KANSL1: variants seen among roughly 807,000 people sequenced by gnomAD.
KANSL1 encodes MLL1/MLL complex subunit KANSL1.
A neutral mutation model predicts 103.6 loss-of-function variants in KANSL1; 22 were observed. The observed-to-expected ratio is 0.21, with a 90% CI of 0.15 to 0.30. The LOEUF (loss-of-function observed/expected upper bound fraction) is 0.30, where lower values mean the gene tolerates loss of function less well. KANSL1 is among the 10% of genes least tolerant of loss of function. The pLI is 1.00. For missense variants in KANSL1, 1,337 were observed against 1,399.8 expected (o/e 0.96, Z 0.72); for synonymous variants, 600 against 527.6 (o/e 1.14, Z -1.88).
chr17:46,073,279 T>A (rs2078641975), intron 4 of KANSL1, among the ~76,000 whole-genome samples: 1 of 152,252 alleles, frequency 6.6e-6, no homozygotes, highest in East Asian at 1.9e-4. Context: ...GTTTTTCTCA[T>A]CACTTCTGTA....
intron 6 of KANSL1, among the ~76,000 whole-genome samples, chr17:46,056,604 A>C (rs1327221381): frequency 2.7e-5 from 3 of 112,952 alleles, no homozygotes; most frequent in Non-Finnish European, 7.2e-5. Context: ...ATTTACCATC[A>C]AACTTGATAG....
At position 46,032,243 on chromosome 17, in the gene KANSL1, G is replaced by A; in HGVS notation, c.2894C>T (p.Ser965Phe). The A allele has an allele frequency of 1.3e-6, 2 of 1,571,090 alleles. No homozygotes were observed. The highest frequency in any genetic ancestry group is 8.7e-7 in the Non-Finnish European group (1 of 1,155,348). ...TTPQLGSANP[S>F]TPQPASPDVS... ...ATCAGGGGAGGCAGGCTGGGGGGTG[G>A]AGGGGTTGGCACTGCCCAGCTGGGG... Residue 965 changes from serine (S) to phenylalanine (F), a missense_variant, in exon 14 of 15, where the codon TCC (serine) becomes TTC (phenylalanine). By Grantham distance (155) the Ser-to-Phe change is radical. Around this residue, in one of 2 missense-constraint regions of KANSL1, gnomAD observed 780 missense variants for 923.4 expected, o/e 0.84. Coordinates refer to ENST00000432791, the MANE Select transcript of KANSL1 (RefSeq NM_015443.4).
intron 2 of KANSL1, among the ~76,000 whole-genome samples, chr17:46,096,483 G>A (rs1159884640): frequency 6.7e-6 from 1 of 149,994 alleles, no homozygotes; most frequent in African/African-American, 2.4e-5. Flanking sequence ...ACCATGCCCG[G>A]CTAATTTTGT....
chr17:46,036,468 T>G (rs2077152844), intron 10 of KANSL1, among the ~76,000 whole-genome samples: 1 of 152,262 alleles, frequency 6.6e-6, no homozygotes, highest in South Asian at 2.1e-4. Flanking sequence ...GATTTTTCTT[T>G]TCATTATTCT....
chr17:46,139,149 G>A (rs985587353), intron 2 of KANSL1, among the ~76,000 whole-genome samples: 4 of 152,098 alleles, frequency 2.6e-5, no homozygotes, highest in Non-Finnish European at 5.9e-5. Context: ...CAATACCTAG[G>A]ACATCACAGG....
intron 2 of KANSL1, among the ~76,000 whole-genome samples, chr17:46,147,211 T>C (rs2044756749): frequency 1.3e-5 from 2 of 152,176 alleles, no homozygotes; most frequent in South Asian, 2.1e-4. Context: ...AACAGAAAAA[T>C]CAACCAATAT....
Position 46,171,160 on chromosome 17 carries a change from A to G in KANSL1, c.984T>C (p.Thr328=). ...ATTCCAAGTTTGGCAGTTTGCTCAA[A>G]GTCTTCTCCAAAAATCCACCCAGCT... is the stretch of plus-strand genomic sequence containing the variant. ...QHQLGGFLEK[T]LSKLPNLESL... Residue 328 remains threonine, a synonymous_variant, in exon 2 of 15, where the codon ACT becomes ACC. Transcript: ENST00000432791. The G allele has an allele frequency of 6.2e-7, 1 of 1,614,144 alleles. No individual in the cohort carries two copies. Among genetic ancestry groups the G allele is most frequent in the Admixed American group, 1.7e-5 (1 of 60,020 alleles).
Position 46,034,250 on chromosome 17 carries a change from T to G in KANSL1, c.2577A>C (p.Ser859=), listed in dbSNP as rs1275703248. 1 of 1,614,064 alleles carries G rather than the reference T, an allele frequency of 6.2e-7. No individual in the cohort carries two copies. Among genetic ancestry groups the G allele is most frequent in the East Asian group, 2.2e-5 (1 of 44,888 alleles). The change falls in exon 11 of 15, where the codon TCA becomes TCC. Residue 859 remains serine (S), a synonymous_variant. Transcript: ENST00000432791. ...GGATGACAATGTTGTTAATATCAAA[T>G]GAGCTCTCTCCCCTTCTCCTCCTTA... ...QPVRRRRGES[S]FDINNIVIPM...
chr17:46,188,743 GC>G (rs1267020544), intron 1 of KANSL1, among the ~76,000 whole-genome samples: 1 of 152,106 alleles, frequency 6.6e-6, no homozygotes, highest in Non-Finnish European at 1.5e-5. Context: ...AATAAGACAA[GC>G]AAGGGGCCAG....
intron 2 of KANSL1, among the ~76,000 whole-genome samples, chr17:46,105,239 TTCTG>T (rs1388379808): frequency 2.0e-5 from 3 of 152,398 alleles, no homozygotes; most frequent in Non-Finnish European, 4.4e-5. Context: ...TGAATTAATT[TTCTG>T]TCTACTTTTC....
chr17:46,101,344 AAAC>A (rs1217523993), intron 2 of KANSL1, among the ~76,000 whole-genome samples: 1 of 152,236 alleles, frequency 6.6e-6, no homozygotes, highest in Non-Finnish European at 1.5e-5. Context: ...ATGTGATCCT[AAAC>A]ATATAAATTG....
At chr17:46,201,905 G>A (rs1051165687) in intron 1 of KANSL1, among the ~76,000 whole-genome samples, 1 of 152,184 alleles carries the variant, frequency 6.6e-6, no homozygotes, top group Non-Finnish European at 1.5e-5. Context: ...TACACAGGAA[G>A]CCAAGGTGGG....
At chr17:46,217,338 C>T (rs666115) in intron 1 of KANSL1, among the ~76,000 whole-genome samples, 5 of 151,806 alleles carry the variant, frequency 3.3e-5, no homozygotes, top group East Asian at 2.0e-4. Flanking sequence ...TAGCTAGGCA[C>T]GGTGGCGAGC....
intron 1 of KANSL1, among the ~76,000 whole-genome samples, chr17:46,181,741 T>C (rs1013467657): frequency 1.3e-5 from 2 of 152,200 alleles, no homozygotes; most frequent in Non-Finnish European, 2.9e-5. Flanking sequence ...CCCTCACACC[T>C]TTTTAATGAG....
intron 2 of KANSL1, among the ~76,000 whole-genome samples, chr17:46,165,132 C>T (rs181623381): frequency 2.6e-5 from 4 of 152,192 alleles, no homozygotes; most frequent in Non-Finnish European, 5.9e-5. Context: ...TACAAACATA[C>T]ATAAAAAGTA....
chr17:46,209,159 G>C (rs2048078781), intron 1 of KANSL1, among the ~76,000 whole-genome samples: 1 of 151,992 alleles, frequency 6.6e-6, no homozygotes, highest in Admixed American at 6.6e-5. Context: ...ACTCCAGCCT[G>C]AGTGACAAGA....
Position 46,171,735 on chromosome 17 carries a change from T to C in KANSL1, c.409A>G (p.Asn137Asp). Residue 137 changes from asparagine (N) to aspartate (D), a missense_variant, in exon 2 of 15, where the codon AAT becomes GAT. Physicochemically the swap from Asn to Asp is conservative, Grantham distance 23. Around this residue, in one of 2 missense-constraint regions of KANSL1, gnomAD observed 557 missense variants for 476.4 expected, o/e 1.17. Transcript: ENST00000432791. ...RQPVLEFSLE[N>D]LRTMNTSGQT... is the part of the protein sequence containing the mutation. ...CCACTCGTATTCATGGTTCTAAGAT[T>C]TTCTAAGGAAAACTCCAAAACTGGC... 1 of 1,579,466 alleles carries C rather than the reference T, an allele frequency of 6.3e-7. No individual in the cohort carries two copies. Among genetic ancestry groups the C allele is most frequent in the East Asian group, 2.2e-5 (1 of 44,524 alleles).
At chr17:46,039,590 G>T in intron 8 of KANSL1, 112 bp downstream of exon 8, 1 of 1,204,146 alleles carries the variant, frequency 8.3e-7, no homozygotes, top group Non-Finnish European at 1.1e-6. Context: ...ATTTTTTATC[G>T]GTCAACTGCC....
At chr17:46,118,983 T>C (rs2043161604) in intron 2 of KANSL1, among the ~76,000 whole-genome samples, 1 of 152,256 alleles carries the variant, frequency 6.6e-6, no homozygotes, top group Non-Finnish European at 1.5e-5. Context: ...AAAATTGTGG[T>C]AAAAGATCCC....
Sources: allele counts gnomAD v4.1 joint callset (sites outside exome capture counted in the v4.1 genomes callset), GRCh38; gene constraint gnomAD v4.1.1; regional missense constraint gnomAD v4.1.1; transcripts MANE v1.5; gene names NCBI Gene and HGNC (gene_info 2026-07-23, HGNC 2026-07-21).